The following RS1 variants were observed in gnomAD, a reference collection of about 807,000 sequenced individuals.
RS1 encodes retinoschisin.
RS1 carries 2 observed loss-of-function variants against 20.8 expected under a neutral mutation model. The observed-to-expected ratio is 0.10, with a 90% CI of 0.04 to 0.30. RS1 has a LOEUF of 0.30. Among genes scored for constraint, RS1 ranks in the 10% least tolerant of loss-of-function variants. The pLI, the probability that RS1 is intolerant of heterozygous loss-of-function variation, is 1.00. For missense variants in RS1, 151 were observed against 189.8 expected, an observed-to-expected ratio of 0.80 and a Z score of 1.20; for synonymous variants, 70 against 75.8, an observed-to-expected ratio of 0.92 and a Z score of 0.40.
chrX:18,672,098 C>G lies in RS1; in HGVS notation c.-30G>C, dbSNP rs770267407. ...CCCTCGTCCTCGGCCAAAGCTCTAC[C>G]TTACTGAACTGGAGAGCTGGCCCAG... On this transcript the variant is annotated 5_prime_UTR_variant, in exon 1 of 6. Transcript: ENST00000379984. 3 of 1,187,271 alleles carry G rather than the reference C, an allele frequency of 2.5e-6. No individual in the cohort carries two copies. Among genetic ancestry groups the G allele is most frequent in the Non-Finnish European group, 3.4e-6 (3 of 873,974 alleles).
chrX:18,669,351 C>T (rs1048121271), intron 1 of RS1, among the ~76,000 whole-genome samples: 1 of 108,426 alleles, frequency 9.2e-6, no homozygotes, highest in Non-Finnish European at 1.9e-5. Context: ...ATGATCCGGG[C>T]GTGGTGGCAC....
intron 1 of RS1, among the ~76,000 whole-genome samples, chrX:18,661,463 C>T (rs767798213): frequency 2.7e-3 from 301 of 111,811 alleles, no homozygotes; most frequent in African/African-American, 9.2e-3. Flanking sequence ...CGTCTGTAGG[C>T]GGCTTGTGTT....
At chrX:18,645,012 C>A (rs146253884) in intron 4 of RS1, among the ~76,000 whole-genome samples, 1 of 111,936 alleles carries the variant, frequency 8.9e-6, no homozygotes, top group Non-Finnish European at 1.9e-5. Context: ...AACCTTTCTG[C>A]GCATTTCACT....
intron 3 of RS1, among the ~76,000 whole-genome samples, chrX:18,649,813 C>T (rs889152025): frequency 8.9e-6 from 1 of 112,060 alleles, no homozygotes; most frequent in Non-Finnish European, 1.9e-5. Flanking sequence ...CCCCCACCCG[C>T]GACACCCCTC....
chrX:18,661,437 T>C (rs1365676528), intron 1 of RS1, among the ~76,000 whole-genome samples: 1 of 111,082 alleles, frequency 9.0e-6, no homozygotes, highest in Non-Finnish European at 1.9e-5. Context: ...TGTTACAGAG[T>C]GCTCTTTTAG....
At chrX:18,657,042 G>A (rs1179259019) in intron 2 of RS1, among the ~76,000 whole-genome samples, 1 of 109,286 alleles carries the variant, frequency 9.2e-6, no homozygotes, top group East Asian at 2.9e-4. Context: ...GGAGTGTGGG[G>A]AGCCCCAATC....
rs774743991 is a variant in RS1, at chrX:18,646,040, A to G, written c.326+1151T>C. The G allele has an allele frequency of 4.1e-6, 5 of 1,210,251 alleles. No homozygotes were observed. The African/African-American group carries it at 8.7e-5, about 21-fold the overall frequency. On this transcript the variant is annotated intron_variant, in intron 4 of 5. Coordinates refer to ENST00000379984, the MANE Select transcript of RS1 (RefSeq NM_000330.4). ...TGTGATGGCAGAAGACAGAGACACC[A>G]TTCTGGACCCCAAGATAGACGCTTC...
intron 2 of RS1, among the ~76,000 whole-genome samples, chrX:18,657,135 T>C (rs1363477158): frequency 2.7e-5 from 3 of 109,911 alleles, no homozygotes; most frequent in Non-Finnish European, 3.8e-5. Flanking sequence ...AGACCTGTTT[T>C]ACTTGCATTC....
chrX:18,657,256 T>C (rs1928234075), intron 2 of RS1, among the ~76,000 whole-genome samples: 1 of 90,407 alleles, frequency 1.1e-5, no homozygotes, highest in African/African-American at 4.2e-5. Flanking sequence ...AGTCTCGCTT[T>C]GTCACCCAGG....
chrX:18,657,614 A>T (rs749076472), intron 2 of RS1, 26 bp downstream of exon 2: 1 of 1,164,645 alleles, frequency 8.6e-7, no homozygotes, highest in East Asian at 3.0e-5. Context: ...ATGCATGTAC[A>T]TTACAGCCTT....
intron 5 of RS1, among the ~76,000 whole-genome samples, chrX:18,642,398 A>C (rs1231602485): frequency 8.9e-6 from 1 of 111,882 alleles, no homozygotes; most frequent in Non-Finnish European, 1.9e-5. Flanking sequence ...TTACACTTCA[A>C]TTAATTAAAA....
At chrX:18,653,306 T>C (rs1928125905) in intron 3 of RS1, 3 of 1,133,095 alleles carry the variant, frequency 2.6e-6, no homozygotes, top group Admixed American at 5.4e-5. Context: ...AGCATTAAAG[T>C]GAAGATTAGG....
chrX:18,657,999 G>A (rs1928248763), intron 1 of RS1, among the ~76,000 whole-genome samples: 1 of 110,687 alleles, frequency 9.0e-6, no homozygotes, highest in Non-Finnish European at 1.9e-5. Context: ...ACAAAACCCC[G>A]CCTCTACAAA....
At chrX:18,657,880 A>G (rs970074665) in intron 1 of RS1, among the ~76,000 whole-genome samples, 7 of 112,042 alleles carry the variant, frequency 6.2e-5, no homozygotes, top group Non-Finnish European at 1.3e-4. Flanking sequence ...GAACAAGATC[A>G]TCATTATAGG....
In RS1 at chrX:18,670,560, C is replaced by T. The variant is rs145137728; in HGVS notation, c.52+1457G>A. Among the ~76,000 whole-genome samples the T allele has an allele frequency of 4.5e-5, 5 of 110,976 alleles. No individual in the cohort carries two copies. In the East Asian group the frequency reaches 1.4e-3, roughly 31 times the overall value. On this transcript the variant is annotated intron_variant, in intron 1 of 5. Transcript: ENST00000379984. Reference sequence around the variant, plus strand: ...CAATGTTTGCCCCCTAGCAGATAGTCAGGGATGAGCTCTTAAAAGAAGGGA... The same window carrying T: ...CAATGTTTGCCCCCTAGCAGATAGTTAGGGATGAGCTCTTAAAAGAAGGGA...
chrX:18,653,901 G>A (rs190292569), intron 3 of RS1, among the ~76,000 whole-genome samples: 225 of 110,028 alleles, frequency 2.0e-3, no homozygotes, highest in African/African-American at 7.3e-3. Context: ...CTGGGAGGTG[G>A]GGGTTGCAGT....
At chrX:18,651,264 T>TGTGTGTGTGTGTGTGTGAGAGA (rs1491242962) in intron 3 of RS1, among the ~76,000 whole-genome samples, 3 of 69,012 alleles carry the variant, frequency 4.3e-5, no homozygotes, top group African/African-American at 1.9e-4. Context: ...TGTGTGTGTG[T>TGTGTGTGTGTGTGTGTGAGAGA]GAGAGAGAGA....
At chrX:18,644,400 T>A in intron 5 of RS1, 30 bp downstream of exon 5, 2 of 1,197,845 alleles carry the variant, frequency 1.7e-6, no homozygotes, top group Non-Finnish European at 2.3e-6. Flanking sequence ...GGGTGCGAGC[T>A]GAAGTTGGTT....
At chrX:18,669,954 G>A (rs1047352236) in intron 1 of RS1, among the ~76,000 whole-genome samples, 2 of 111,892 alleles carry the variant, frequency 1.8e-5, no homozygotes, top group Non-Finnish European at 3.8e-5. Context: ...CTGGAGAGAC[G>A]ATGTTCTCTG....
Sources: allele counts gnomAD v4.1 joint callset (sites outside exome capture counted in the v4.1 genomes callset), GRCh38; gene constraint gnomAD v4.1.1; transcripts MANE v1.5; gene names NCBI Gene and HGNC (gene_info 2026-07-23, HGNC 2026-07-21).